APBA2: variants seen among roughly 807,000 people sequenced by gnomAD.
APBA2 encodes the protein amyloid-beta A4 precursor protein-binding family A member 2.
Under a neutral mutation model 75.0 loss-of-function variants are expected in APBA2, and 30 were observed. That is an observed-to-expected ratio of 0.40 (90% CI 0.30 to 0.54). The LOEUF (loss-of-function observed/expected upper bound fraction) is 0.54, where lower values mean the gene tolerates loss of function less well. Ranked by LOEUF, APBA2 falls within the 20% of genes least tolerant of loss-of-function variation. The probability of loss-of-function intolerance (pLI) is 0.49; values close to 1 mark genes in which losing one functional copy is unlikely to be tolerated. For synonymous variants in APBA2, 444 were observed against 409.6 expected (o/e 1.08, Z -1.01); for missense variants, 801 against 1,016.1 (o/e 0.79, Z 2.88).
chr15:29,094,191 G>C (rs960754615), intron 7 of APBA2, 87 bp from the exon 8 acceptor site: 3 of 1,425,340 alleles, frequency 2.1e-6, no homozygotes, highest in African/African-American at 2.8e-5. Flanking sequence ...CTGAGAGTGG[G>C]GGCATCAACC....
At chr15:28,954,711 C>T (rs941675272) in intron 2 of APBA2, among the ~76,000 whole-genome samples, 7 of 152,206 alleles carry the variant, frequency 4.6e-5, no homozygotes, top group African/African-American at 1.7e-4. Flanking sequence ...AGCAAATTCA[C>T]AGTTGACATC....
At chr15:29,017,012 CAAT>C (rs1190361263) in intron 3 of APBA2, among the ~76,000 whole-genome samples, 22 of 152,118 alleles carry the variant, frequency 1.4e-4, no homozygotes, top group African/African-American at 5.3e-4. Context: ...CGTGAAAAGA[CAAT>C]AATGATGACA....
chr15:29,025,348 C>T (rs1046378564), intron 3 of APBA2, among the ~76,000 whole-genome samples: 4 of 150,874 alleles, frequency 2.7e-5, no homozygotes, highest in African/African-American at 9.7e-5. Flanking sequence ...TCACTGCAGT[C>T]TCCGCCACCT....
chr15:28,939,832 C>A (rs1443197373), intron 2 of APBA2, among the ~76,000 whole-genome samples: 2 of 152,174 alleles, frequency 1.3e-5, no homozygotes, highest in African/African-American at 2.4e-5. Context: ...TGGAACTAGA[C>A]AGTGTGCTTC....
At chr15:29,057,320 A>ACAG (rs1475421046) in intron 4 of APBA2, among the ~76,000 whole-genome samples, 1 of 152,158 alleles carries the variant, frequency 6.6e-6, no homozygotes, top group African/African-American at 2.4e-5. Flanking sequence ...TAGGAGACTC[A>ACAG]CTTGGAGGAA....
chr15:28,974,453 C>G (rs1488533678), intron 2 of APBA2, among the ~76,000 whole-genome samples: 1 of 152,132 alleles, frequency 6.6e-6, no homozygotes, highest in Non-Finnish European at 1.5e-5. Context: ...TCCAAATGTA[C>G]CAGACTTTGT....
At chr15:28,899,814 T>C (rs1281275650) in intron 1 of APBA2, among the ~76,000 whole-genome samples, 1 of 151,990 alleles carries the variant, frequency 6.6e-6, no homozygotes, top group Non-Finnish European at 1.5e-5. Context: ...GATAATAAAG[T>C]GAGGAATGTC....
chr15:29,117,223 A>G lies in APBA2; in HGVS notation c.*90A>G, dbSNP rs1596027694. The G allele has an allele frequency of 7.9e-7, 1 of 1,258,312 alleles. No homozygotes were observed. The highest frequency in any genetic ancestry group is 2.3e-5 in the East Asian group (1 of 42,792). 77.9% of individuals were successfully genotyped at this position (1,258,312 alleles called of 1,614,324 possible). A position where few individuals can be genotyped will look rare whatever the true frequency, so the allele number is the denominator to read the frequency against. On this transcript the variant is annotated 3_prime_UTR_variant, in exon 15 of 15. Transcript: ENST00000683413. ...GAGCCGGGCCGCAGACTTGACCCCGACGCCACAGCCCAGCCACGGACGCTG... is the reference window on the plus strand; with the variant it reads ...GAGCCGGGCCGCAGACTTGACCCCGGCGCCACAGCCCAGCCACGGACGCTG...
At chr15:29,039,307 G>A (rs1006014416) in intron 3 of APBA2, among the ~76,000 whole-genome samples, 2 of 152,104 alleles carry the variant, frequency 1.3e-5, no homozygotes, top group African/African-American at 4.8e-5. Flanking sequence ...CTGCAGCAGG[G>A]AGTGGTAGAG....
At chr15:28,966,172 C>G (rs2036727690) in intron 2 of APBA2, among the ~76,000 whole-genome samples, 1 of 151,996 alleles carries the variant, frequency 6.6e-6, no homozygotes, top group Non-Finnish European at 1.5e-5. Context: ...GTGTATTCTG[C>G]AGTTTTTGGG....
chr15:28,900,707 G>A (rs142171927), intron 1 of APBA2, among the ~76,000 whole-genome samples: 1 of 152,264 alleles, frequency 6.6e-6, no homozygotes, highest in East Asian at 1.9e-4. Flanking sequence ...GCGCCCCTGT[G>A]TGTCCTGTTT....
At chr15:28,971,683 G>T (rs1453815721) in intron 2 of APBA2, among the ~76,000 whole-genome samples, 2 of 152,140 alleles carry the variant, frequency 1.3e-5, no homozygotes, top group Admixed American at 6.5e-5. Flanking sequence ...GCTCCTCTCA[G>T]GGGAGGAGGA....
chr15:29,034,571 G>A (rs2040649641), intron 3 of APBA2, among the ~76,000 whole-genome samples: 1 of 152,194 alleles, frequency 6.6e-6, no homozygotes, highest in Admixed American at 6.5e-5. Flanking sequence ...TGAAATGAAA[G>A]TGTTAGGAAG....
Position 28,971,160 on chromosome 15 carries a change from A to T in APBA2, c.-94-24593A>T, listed in dbSNP as rs143084260. On this transcript the variant is annotated intron_variant, in intron 2 of 14. Transcript: ENST00000683413. ...CTTTATAAGAACGCTGTGCTTTCTTAGTCTATTTATAATGAGTAAGAAGTT... is the reference window on the plus strand; with the variant it reads ...CTTTATAAGAACGCTGTGCTTTCTTTGTCTATTTATAATGAGTAAGAAGTT... 4.9e-3 allele frequency among the ~76,000 whole-genome samples: 742 copies of T among 152,298 alleles called. 8 individuals carry two copies. The highest frequency in any genetic ancestry group is 0.034 in the South Asian group (162 of 4,828).
chr15:28,912,777 A>G (rs2033491640), intron 1 of APBA2, among the ~76,000 whole-genome samples: 1 of 152,138 alleles, frequency 6.6e-6, no homozygotes. Flanking sequence ...CCTGATTTTG[A>G]TTATTTTGTT....
chr15:29,098,233 C>T (rs982785672), intron 8 of APBA2, among the ~76,000 whole-genome samples: 1 of 152,170 alleles, frequency 6.6e-6, no homozygotes, highest in African/African-American at 2.4e-5. Context: ...CCATTCTATT[C>T]TCCACAGTGG....
Position 29,088,429 on chromosome 15 carries a change from A to G in APBA2, c.1070-4646A>G, listed in dbSNP as rs531702478. Among the ~76,000 whole-genome samples, 6 of 151,988 alleles carry G rather than the reference A, an allele frequency of 3.9e-5. No individual in the cohort carries two copies. In the East Asian group the frequency reaches 9.7e-4, roughly 25 times the overall value. On this transcript the variant is annotated intron_variant, in intron 6 of 14. Transcript: ENST00000683413. Reference sequence around the variant, plus strand: ...TAAACTTGCCTGGAATCCCCAACCCAAGCTCAGTCCTCTTCCAGGCACCCT... The same window carrying G: ...TAAACTTGCCTGGAATCCCCAACCCGAGCTCAGTCCTCTTCCAGGCACCCT...
chr15:28,942,715 T>A (rs953448519), intron 2 of APBA2, among the ~76,000 whole-genome samples: 1 of 152,210 alleles, frequency 6.6e-6, no homozygotes, highest in Non-Finnish European at 1.5e-5. Context: ...GTAAGCGACC[T>A]GGGAGGTATC....
chr15:29,006,982 C>A (rs971457854), intron 3 of APBA2, among the ~76,000 whole-genome samples: 1 of 152,102 alleles, frequency 6.6e-6, no homozygotes, highest in Admixed American at 6.6e-5. Context: ...ACAAAGTTGG[C>A]GATCTCACAC....
Sources: gnomAD v4.1 joint callset for allele counts (sites outside exome capture counted in the v4.1 genomes callset) on GRCh38, gnomAD v4.1.1 for gene constraint, MANE v1.5 for transcripts, NCBI Gene and HGNC (gene_info 2026-07-23, HGNC 2026-07-21) for gene names.